SPOCK1: variants seen among roughly 807,000 people sequenced by gnomAD.
SPOCK1 encodes the protein SPARC (osteonectin), cwcv and kazal like domains proteoglycan 1.
In SPOCK1, 23 loss-of-function variants were observed where a neutral mutation model predicts 55.3. The observed-to-expected ratio is 0.42, with a 90% CI of 0.30 to 0.59. The LOEUF (loss-of-function observed/expected upper bound fraction) is 0.59. Among genes scored for constraint, SPOCK1 ranks in the 20% least tolerant of loss-of-function variants. SPOCK1 has a pLI of 0.22. For synonymous variants in SPOCK1, 226 were observed against 221.0 expected, an observed-to-expected ratio of 1.02 and a Z score of -0.20; for missense variants, 499 against 552.5, an observed-to-expected ratio of 0.90 and a Z score of 0.97.
chr5:137,481,694 T>C (rs1018155617), intron 2 of SPOCK1, among the ~76,000 whole-genome samples: 14 of 152,304 alleles, frequency 9.2e-5, no homozygotes, highest in African/African-American at 3.1e-4. Flanking sequence ...AGGTCTCTTG[T>C]TGGATGATGG....
intron 3 of SPOCK1, among the ~76,000 whole-genome samples, chr5:137,179,494 C>G (rs184489932): frequency 1.3e-5 from 2 of 152,190 alleles, no homozygotes; most frequent in Admixed American, 1.3e-4. Context: ...ATCAGACCAC[C>G]CTAGGCACTT....
chr5:137,389,532 T>C (rs922438161), intron 2 of SPOCK1, among the ~76,000 whole-genome samples: 4 of 152,244 alleles, frequency 2.6e-5, no homozygotes, highest in Non-Finnish European at 5.9e-5. Context: ...AATCCAAAGC[T>C]GGTAGTGATG....
intron 2 of SPOCK1, among the ~76,000 whole-genome samples, chr5:137,376,541 C>T (rs984319942): frequency 2.0e-5 from 3 of 152,160 alleles, no homozygotes; most frequent in Admixed American, 2.0e-4. Flanking sequence ...GGGATGGGGG[C>T]AGAGGGGGGC....
intron 3 of SPOCK1, among the ~76,000 whole-genome samples, chr5:137,199,175 A>AATTCCT (rs1225973571): frequency 1.3e-5 from 2 of 152,210 alleles, no homozygotes; most frequent in Non-Finnish European, 2.9e-5. Flanking sequence ...GTGACCCAGG[A>AATTCCT]GAACACAGGG....
intron 6 of SPOCK1, among the ~76,000 whole-genome samples, chr5:137,060,518 G>A (rs1179283014): frequency 6.6e-6 from 1 of 152,120 alleles, no homozygotes; most frequent in African/African-American, 2.4e-5. Context: ...TCTGGGAAAT[G>A]AAATAATCTG....
At position 137,074,866 on chromosome 5, in the gene SPOCK1, G is replaced by A. The variant is rs560876940; in HGVS notation, c.475-7037C>T. 5.9e-5 allele frequency among the ~76,000 whole-genome samples: 9 copies of A among 152,120 alleles called. No homozygotes were observed. The South Asian group carries it at 8.3e-4, about 14-fold the overall frequency. ...ACTACAGGCACCCGCCACCACGCCCGACTAATTTTTGTATTTTTAGTAGAG... is the reference window on the plus strand; with the variant it reads ...ACTACAGGCACCCGCCACCACGCCCAACTAATTTTTGTATTTTTAGTAGAG... On this transcript the variant is annotated intron_variant, in intron 5 of 10. Transcript: ENST00000394945.
chr5:137,194,940 A>G (rs539905379), intron 3 of SPOCK1, among the ~76,000 whole-genome samples: 1 of 152,316 alleles, frequency 6.6e-6, no homozygotes, highest in East Asian at 1.9e-4. Context: ...CAGGCTCCAC[A>G]GGTTTAACCA....
chr5:137,394,988 G>T (rs1022064424), intron 2 of SPOCK1, among the ~76,000 whole-genome samples: 2 of 152,224 alleles, frequency 1.3e-5, no homozygotes, highest in Non-Finnish European at 2.9e-5. Flanking sequence ...CTGAGGTCCA[G>T]CAAGACCAAG....
intron 4 of SPOCK1, among the ~76,000 whole-genome samples, chr5:137,132,827 A>C (rs1301288712): frequency 6.6e-6 from 1 of 152,138 alleles, no homozygotes; most frequent in East Asian, 1.9e-4. Flanking sequence ...TTCTTCAGCA[A>C]GTGCAGCCTG....
chr5:137,140,002 T>C (rs1189466177), intron 4 of SPOCK1, among the ~76,000 whole-genome samples: 1 of 152,164 alleles, frequency 6.6e-6, no homozygotes, highest in Middle Eastern at 3.2e-3. Context: ...TGGGGGATAC[T>C]TCCCCCTGGG....
intron 6 of SPOCK1, among the ~76,000 whole-genome samples, chr5:137,045,159 A>G (rs1752086477): frequency 6.6e-6 from 1 of 151,262 alleles, no homozygotes; most frequent in Non-Finnish European, 1.5e-5. Context: ...GTATATACCC[A>G]GTAATGGGAT....
intron 2 of SPOCK1, among the ~76,000 whole-genome samples, chr5:137,348,745 G>T (rs978658233): frequency 6.6e-6 from 1 of 152,172 alleles, no homozygotes; most frequent in Non-Finnish European, 1.5e-5. Context: ...GGCTCTGAAA[G>T]GATGGAGCAC....
At chr5:137,098,602 T>C (rs773714059) in intron 5 of SPOCK1, among the ~76,000 whole-genome samples, 11 of 152,204 alleles carry the variant, frequency 7.2e-5, no homozygotes, top group South Asian at 2.1e-4. Flanking sequence ...GAAGACAAAG[T>C]GGCCCCTCCC....
In SPOCK1 at chr5:136,980,181, CAAA is replaced by C. The variant is rs11288318; in HGVS notation, c.992-715_992-713del. ...CTATTACTATCTCCCTGTTTGCAGG[CAAA>C]AAAAAAAAAAAAAAGTGATAAACTG... On this transcript the variant is annotated intron_variant, in intron 9 of 10. Coordinates refer to ENST00000394945, the MANE Select transcript of SPOCK1 (RefSeq NM_004598.4). Among the ~76,000 whole-genome samples the C allele has an allele frequency of 2.7e-3, 365 of 134,424 alleles. 2 individuals are homozygous for C. Among genetic ancestry groups the C allele is most frequent in the Middle Eastern group, 7.5e-3 (2 of 266 alleles). The allele number at this position is 134,424 out of a possible 152,430, so 88.2% of individuals were successfully genotyped here. A position where few individuals can be genotyped will look rare whatever the true frequency, so the allele number is the denominator to read the frequency against.
intron 5 of SPOCK1, among the ~76,000 whole-genome samples, chr5:137,110,680 A>G (rs1026707753): frequency 2.0e-5 from 3 of 152,240 alleles, no homozygotes; most frequent in Non-Finnish European, 4.4e-5. Flanking sequence ...GAGAAAGGCT[A>G]TAATCTTGGA....
chr5:137,063,386 A>G (rs946215462), intron 6 of SPOCK1, among the ~76,000 whole-genome samples: 8 of 151,726 alleles, frequency 5.3e-5, no homozygotes, highest in African/African-American at 1.9e-4. Flanking sequence ...ACAACAAAAA[A>G]ATCTTGGCTT....
chr5:137,095,150 A>C (rs762796909), intron 5 of SPOCK1, among the ~76,000 whole-genome samples: 7 of 152,200 alleles, frequency 4.6e-5, no homozygotes, highest in Non-Finnish European at 7.3e-5. Flanking sequence ...GATGCCCCAG[A>C]ACAATTTCAA....
At chr5:137,479,711 C>T (rs1057382508) in intron 2 of SPOCK1, among the ~76,000 whole-genome samples, 2 of 152,216 alleles carry the variant, frequency 1.3e-5, no homozygotes, top group Non-Finnish European at 2.9e-5. Flanking sequence ...CAGATCAGAG[C>T]CCCTACCAAT....
At chr5:137,023,913 C>A (rs1751618996) in intron 6 of SPOCK1, among the ~76,000 whole-genome samples, 1 of 150,320 alleles carries the variant, frequency 6.7e-6, no homozygotes, top group Non-Finnish European at 1.5e-5. Flanking sequence ...ATAACCATAG[C>A]AGACTACATG....
Sources: gnomAD v4.1 joint callset for allele counts (sites outside exome capture counted in the v4.1 genomes callset) on GRCh38, gnomAD v4.1.1 for gene constraint, MANE v1.5 for transcripts, NCBI Gene and HGNC (gene_info 2026-07-23, HGNC 2026-07-21) for gene names.